Variants in IGF1 observed in about 807,000 individuals in gnomAD.
IGF1 encodes the protein insulin-like growth factor 1.
A neutral mutation model predicts 13.8 loss-of-function variants in IGF1; 4 were observed. The ratio of observed to expected loss-of-function variants is 0.29; its 90% CI spans 0.14 to 0.66. The LOEUF (loss-of-function observed/expected upper bound fraction) is 0.66. Ranked by LOEUF, IGF1 falls within the 30% of genes least tolerant of loss-of-function variation. The pLI is 0.78. For synonymous variants in IGF1, 76 were observed against 72.6 expected, an observed-to-expected ratio of 1.05 and a Z score of -0.23; for missense variants, 124 against 188.5, an observed-to-expected ratio of 0.66 and a Z score of 2.00.
chr12:102,476,094 C>A (rs1173570662), intron 1 of IGF1, among the ~76,000 whole-genome samples: 1 of 152,076 alleles, frequency 6.6e-6, no homozygotes, highest in Non-Finnish European at 1.5e-5. Flanking sequence ...TATCTAGAAA[C>A]GTTTACTACG....
chr12:102,478,260 G>C (rs1881191034), intron 1 of IGF1, among the ~76,000 whole-genome samples: 2 of 146,616 alleles, frequency 1.4e-5, no homozygotes, highest in Non-Finnish European at 3.0e-5. Context: ...TCAATAGAGA[G>C]AAAGGAAAGA....
rs1555244052 is a variant in IGF1, at chr12:102,441,915, C to CTTCATCTT, written c.221-22226_221-22225insAAGATGAA. ...GTCATTCTATTACACTGCTTCTTCTCCTTCTTCTTCTTCTTCTTCTTCTTC... is the reference window on the plus strand; with the variant it reads ...GTCATTCTATTACACTGCTTCTTCTCTTCATCTTCTTCTTCTTCTTCTTCTTCTTCTTC... On this transcript the variant is annotated intron_variant, in intron 2 of 3. Transcript: ENST00000337514. Among the ~76,000 whole-genome samples the CTTCATCTT allele has an allele frequency of 1.6e-5, 2 of 122,140 alleles. 1 individual carries two copies. Among genetic ancestry groups the CTTCATCTT allele is most frequent in the African/African-American group, 6.2e-5 (2 of 32,426 alleles). The allele number at this position is 122,140 out of a possible 152,430, so 80.1% of individuals were successfully genotyped here. A position where few individuals can be genotyped will look rare whatever the true frequency, so the allele number is the denominator to read the frequency against.
chr12:102,407,094 C>CAAAAAAAAAAAAAAAAAAAAAAAAAAA (rs57468885), intron 3 of IGF1, among the ~76,000 whole-genome samples: 1 of 100,990 alleles, frequency 9.9e-6, no homozygotes, highest in Non-Finnish European at 1.9e-5. Context: ...ACTCTGTCTC[C>CAAAAAAAAAAAAAAAAAAAAAAAAAAA]AAAAAAAAAA....
At chr12:102,407,209 A>G (rs1874247971) in intron 3 of IGF1, among the ~76,000 whole-genome samples, 1 of 151,894 alleles carries the variant, frequency 6.6e-6, no homozygotes, top group African/African-American at 2.4e-5. Flanking sequence ...CAGTTTACAA[A>G]ATAATATCAC....
At chr12:102,474,160 A>C (rs1293927216) in intron 2 of IGF1, among the ~76,000 whole-genome samples, 1 of 152,244 alleles carries the variant, frequency 6.6e-6, no homozygotes, top group African/African-American at 2.4e-5. Flanking sequence ...CTGTTGGATC[A>C]TGTGATGTCC....
chr12:102,448,684 TATAATA>T, intron 2 of IGF1, among the ~76,000 whole-genome samples: 1 of 40,422 alleles, frequency 2.5e-5, no homozygotes, highest in Non-Finnish European at 4.4e-5. Flanking sequence ...AAACTTAGAG[TATAATA>T]AAAAAAAAAA....
At chr12:102,440,111 A>G (rs1327952626) in intron 2 of IGF1, among the ~76,000 whole-genome samples, 6 of 152,140 alleles carry the variant, frequency 3.9e-5, no homozygotes, top group Admixed American at 3.3e-4. Flanking sequence ...ACGGCCGCTA[A>G]GCATCCCCAT....
chr12:102,448,925 T>C (rs1323593494), intron 2 of IGF1, among the ~76,000 whole-genome samples: 3 of 152,016 alleles, frequency 2.0e-5, no homozygotes, highest in African/African-American at 4.8e-5. Flanking sequence ...TGTGGAGAAA[T>C]AGAAATGCTT....
chr12:102,417,937 G>A (rs780092226), intron 3 of IGF1: 1 of 1,613,394 alleles, frequency 6.2e-7, no homozygotes, highest in East Asian at 2.2e-5. Flanking sequence ...TCCCCTCCTG[G>A]ATGTGTCTTT....
intron 1 of IGF1, among the ~76,000 whole-genome samples, chr12:102,476,169 G>A (rs1286355585): frequency 2.0e-5 from 3 of 152,096 alleles, no homozygotes; most frequent in Non-Finnish European, 4.4e-5. Context: ...TAGAACTTTT[G>A]AATTATCAAA....
chr12:102,454,672 AG>A (rs1879240630), intron 2 of IGF1, among the ~76,000 whole-genome samples: 1 of 152,242 alleles, frequency 6.6e-6, no homozygotes, highest in African/African-American at 2.4e-5. Context: ...AATTGTTCAT[AG>A]ATTGAGCCAG....
intron 2 of IGF1, among the ~76,000 whole-genome samples, chr12:102,459,907 A>G (rs1879760565): frequency 6.6e-6 from 1 of 152,216 alleles, no homozygotes. Context: ...GGCAATAGAT[A>G]TGTCTTGAAC....
chr12:102,415,543 T>TTTCCTTCCTTCCTTCCTTCCGTCCTTCC lies in IGF1; in HGVS notation c.402+3965_402+3966insGGAAGGACGGAAGGAAGGAAGGAAGGAA, dbSNP rs1875020537. On this transcript the variant is annotated intron_variant, in intron 3 of 3. Transcript: ENST00000337514. ...GAAAGTCTTTTTGTTCTTCCTTCCC[T>TTTCCTTCCTTCCTTCCTTCCGTCCTTCC]TTCCTTCCTTCCTTCCTTCCTTCCT... Among the ~76,000 whole-genome samples, 7 of 81,808 alleles carry TTTCCTTCCTTCCTTCCTTCCGTCCTTCC rather than the reference T, an allele frequency of 8.6e-5. No homozygotes were observed. In the East Asian group the frequency reaches 2.4e-3, roughly 28 times the overall value. 53.7% of individuals were successfully genotyped at this position (81,808 alleles called of 152,430 possible).
chr12:102,437,968 C>G (rs1877387831), intron 2 of IGF1, among the ~76,000 whole-genome samples: 1 of 152,142 alleles, frequency 6.6e-6, no homozygotes, highest in Admixed American at 6.5e-5. Context: ...GAGCAGAAAC[C>G]TATTTGAACT....
At chr12:102,465,037 A>G (rs1027090653) in intron 2 of IGF1, among the ~76,000 whole-genome samples, 1 of 152,212 alleles carries the variant, frequency 6.6e-6, no homozygotes, top group African/African-American at 2.4e-5. Context: ...ATGAGAGGAA[A>G]TAGTGATACT....
intron 2 of IGF1, among the ~76,000 whole-genome samples, chr12:102,432,425 A>G (rs1472129551): frequency 6.6e-6 from 1 of 152,216 alleles, no homozygotes; most frequent in African/African-American, 2.4e-5. Context: ...GAATGGAATT[A>G]CTGAGTCAAA....
intron 2 of IGF1, among the ~76,000 whole-genome samples, chr12:102,454,728 A>G (rs774878171): frequency 1.3e-5 from 2 of 152,346 alleles, no homozygotes; most frequent in Middle Eastern, 3.4e-3. Context: ...GAAGGGGTCA[A>G]TTGAGTCAGA....
chr12:102,466,653 G>A (rs906530451), intron 2 of IGF1, among the ~76,000 whole-genome samples: 6 of 152,194 alleles, frequency 3.9e-5, no homozygotes, highest in African/African-American at 1.4e-4. Context: ...TGTAAATCCA[G>A]CACTTTGGGA....
At position 102,425,466 on chromosome 12, in the gene IGF1, C is replaced by T. The variant is rs11111270; in HGVS notation, c.221-5776G>A. 5.6e-3 allele frequency among the ~76,000 whole-genome samples: 849 copies of T among 152,264 alleles called. 8 individuals carry two copies. The highest frequency in any genetic ancestry group is 0.031 in the Middle Eastern group (9 of 294). ...CCCTCACTACTCAGCAACTCTTTCT[C>T]AGCTACTAAATCCCCATAACCCAAA... On this transcript the variant is annotated intron_variant, in intron 2 of 3. Transcript: ENST00000337514.
Sources: allele counts gnomAD v4.1 joint callset (sites outside exome capture counted in the v4.1 genomes callset), GRCh38; gene constraint gnomAD v4.1.1; transcripts MANE v1.5; gene names NCBI Gene and HGNC (gene_info 2026-07-23, HGNC 2026-07-21).